The following ARHGAP28 variants were observed in gnomAD, a reference collection of about 807,000 sequenced individuals.
The protein encoded by ARHGAP28 is Rho GTPase activating protein 28.
ARHGAP28 carries 56 observed loss-of-function variants against 90.7 expected under a neutral mutation model. The ratio of observed to expected loss-of-function variants is 0.62; its 90% CI spans 0.50 to 0.77. The LOEUF (loss-of-function observed/expected upper bound fraction) is 0.77, where lower values mean the gene tolerates loss of function less well. ARHGAP28 is among the 30% of genes least tolerant of loss of function. ARHGAP28 has a pLI of 0.00. For synonymous variants in ARHGAP28, 308 were observed against 323.3 expected (o/e 0.95, Z 0.51); for missense variants, 869 against 900.9 (o/e 0.96, Z 0.45).
chr18:6,742,837 C>T (rs746874094), intron 1 of ARHGAP28, among the ~76,000 whole-genome samples: 20 of 152,042 alleles, frequency 1.3e-4, no homozygotes, highest in Non-Finnish European at 2.2e-4. Context: ...GAGCCTGTGA[C>T]GGAGACCAAC....
intron 3 of ARHGAP28, among the ~76,000 whole-genome samples, chr18:6,843,505 A>C (rs1222482833): frequency 6.6e-6 from 1 of 152,178 alleles, no homozygotes; most frequent in Admixed American, 6.5e-5. Context: ...TACCCCTATC[A>C]AACCATTCCT....
Position 6,744,888 on chromosome 18 carries a change from CG to C in ARHGAP28, c.122+14946del, listed in dbSNP as rs2056009616. Among the ~76,000 whole-genome samples, 2 of 151,732 alleles carry C rather than the reference CG, an allele frequency of 1.3e-5. 1 individual carries two copies. The highest frequency in any genetic ancestry group is 4.2e-4 in the South Asian group (2 of 4,796). On this transcript the variant is annotated intron_variant, in intron 1 of 17. Transcript: ENST00000383472. ...TTTTCAAAGTTAAAGAGAGTATTCA[CG>C]AAAAACTTCTTTTTTGAAAGATAAA...
At chr18:6,853,196 A>G (rs4798497) in intron 4 of ARHGAP28, among the ~76,000 whole-genome samples, 11,636 of 152,126 alleles carry the variant, frequency 0.076, 889 homozygotes, top group East Asian at 0.27. Context: ...AAGGCCTTCA[A>G]CTATCTGAAT....
chr18:6,819,790 A>G (rs1017532286), intron 1 of ARHGAP28, among the ~76,000 whole-genome samples: 2 of 152,220 alleles, frequency 1.3e-5, no homozygotes, highest in African/African-American at 4.8e-5. Flanking sequence ...TATAGTACAC[A>G]CAGGACAGAT....
At chr18:6,815,936 C>T (rs999891415) in intron 1 of ARHGAP28, among the ~76,000 whole-genome samples, 1 of 151,952 alleles carries the variant, frequency 6.6e-6, no homozygotes, top group African/African-American at 2.4e-5. Flanking sequence ...GAATCCAACC[C>T]TCCATATTCC....
At chr18:6,898,729 A>G in intron 16 of ARHGAP28, 2 of 1,319,870 alleles carry the variant, frequency 1.5e-6, no homozygotes, top group East Asian at 3.0e-5. Context: ...TAATGACTGC[A>G]GAGAGACTCA....
At chr18:6,902,417 T>A (rs1200881764) in intron 16 of ARHGAP28, among the ~76,000 whole-genome samples, 2 of 152,154 alleles carry the variant, frequency 1.3e-5, no homozygotes, top group Non-Finnish European at 2.9e-5. Flanking sequence ...TATTTTAAAA[T>A]TGTTTCTAGG....
At chr18:6,805,479 C>CTTTTTTT (rs756550297) in intron 1 of ARHGAP28, among the ~76,000 whole-genome samples, 17 of 97,572 alleles carry the variant, frequency 1.7e-4, no homozygotes, top group East Asian at 2.8e-4. Flanking sequence ...TAACCTTTGC[C>CTTTTTTT]TTTTTTTTTT....
intron 1 of ARHGAP28, among the ~76,000 whole-genome samples, chr18:6,820,888 C>T (rs551058110): frequency 4.6e-4 from 70 of 152,114 alleles, no homozygotes; most frequent in Non-Finnish European, 6.8e-4. Flanking sequence ...CTAAGGAATG[C>T]GAGAGAAATG....
At chr18:6,897,041 T>C in intron 16 of ARHGAP28, 1 of 159,368 alleles carries the variant, frequency 6.3e-6, no homozygotes, top group Non-Finnish European at 1.4e-5. Flanking sequence ...GCCTCCTGGG[T>C]AGCTGGGATT....
At chr18:6,804,210 T>C (rs2056502676) in intron 1 of ARHGAP28, among the ~76,000 whole-genome samples, 1 of 152,238 alleles carries the variant, frequency 6.6e-6, no homozygotes, top group African/African-American at 2.4e-5. Flanking sequence ...TACACTAAGT[T>C]GGTGAGCTTG....
intron 1 of ARHGAP28, among the ~76,000 whole-genome samples, chr18:6,818,030 C>G (rs947437064): frequency 6.6e-6 from 1 of 152,188 alleles, no homozygotes; most frequent in Admixed American, 6.5e-5. Context: ...GACATGCTAT[C>G]AAATTAATTA....
intron 16 of ARHGAP28, among the ~76,000 whole-genome samples, chr18:6,904,739 A>G (rs1276026167): frequency 6.6e-6 from 1 of 152,198 alleles, no homozygotes; most frequent in Non-Finnish European, 1.5e-5. Flanking sequence ...CAAAAACAGG[A>G]TGGGATATCA....
At chr18:6,841,172 C>T (rs1016457052) in intron 3 of ARHGAP28, among the ~76,000 whole-genome samples, 371 of 76,182 alleles carry the variant, frequency 4.9e-3, no homozygotes, top group Middle Eastern at 0.012. Context: ...TCTCTCCTCT[C>T]TCTCTCTCCT....
chr18:6,890,315 T>C (rs2057254805), intron 13 of ARHGAP28, 115 bp from the exon 14 acceptor site: 2 of 764,168 alleles, frequency 2.6e-6, no homozygotes, highest in Non-Finnish European at 4.3e-6. Flanking sequence ...AATGCCACCA[T>C]TCCTGGCTCC....
At chr18:6,777,937 G>T (rs1047616808) in intron 1 of ARHGAP28, among the ~76,000 whole-genome samples, 2 of 152,120 alleles carry the variant, frequency 1.3e-5, no homozygotes, top group African/African-American at 2.4e-5. Context: ...TTCCGATCTG[G>T]TGGCTACACT....
intron 1 of ARHGAP28, among the ~76,000 whole-genome samples, chr18:6,772,833 C>T (rs1490113130): frequency 7.9e-5 from 12 of 152,006 alleles, no homozygotes; most frequent in African/African-American, 1.4e-4. Flanking sequence ...CTCCGCCTCC[C>T]GGGTCCAAGC....
intron 7 of ARHGAP28, 42 bp from the exon 8 acceptor site, chr18:6,873,367 T>A: frequency 6.4e-7 from 1 of 1,558,700 alleles, no homozygotes; most frequent in Non-Finnish European, 8.7e-7. Context: ...ATAATAATTT[T>A]CCTTTGCCAT....
At chr18:6,765,483 T>C (rs1356464495) in intron 1 of ARHGAP28, among the ~76,000 whole-genome samples, 1 of 152,090 alleles carries the variant, frequency 6.6e-6, no homozygotes, top group African/African-American at 2.4e-5. Flanking sequence ...ACACGGCTCT[T>C]TTTTTCCTTT....
Sources: gnomAD v4.1 joint callset for allele counts (sites outside exome capture counted in the v4.1 genomes callset) on GRCh38, gnomAD v4.1.1 for gene constraint, MANE v1.5 for transcripts, NCBI Gene and HGNC (gene_info 2026-07-23, HGNC 2026-07-21) for gene names.